Variants in OAF observed in about 807,000 individuals in gnomAD.
The protein encoded by OAF is out at first protein homolog.
In OAF, 13 loss-of-function variants were observed where a neutral mutation model predicts 22.5. The observed-to-expected ratio is 0.58, with a 90% CI of 0.38 to 0.92. The LOEUF (loss-of-function observed/expected upper bound fraction) is 0.92, where lower values mean the gene tolerates loss of function less well. Among genes scored for constraint, OAF ranks in the 40% least tolerant of loss-of-function variants. OAF has a pLI of 0.00. For synonymous variants in OAF, 175 were observed against 170.5 expected (o/e 1.03, Z -0.21); for missense variants, 347 against 381.8 (o/e 0.91, Z 0.76).
chr11:120,226,798 C>T lies in OAF; in HGVS notation c.367-18C>T, dbSNP rs374542166. On this transcript the variant is annotated intron_variant, in intron 2 of 3. Transcript: ENST00000328965. ...GCATTCTGAAGCCAGGTAGGAGTGA[C>T]TTCTCTCCCACACACAGAAAAATCC... is the stretch of plus-strand genomic sequence containing the variant. The T allele has an allele frequency of 6.4e-7, 1 of 1,571,972 alleles. No individual in the cohort carries two copies. The highest frequency in any genetic ancestry group is 8.7e-7 in the Non-Finnish European group (1 of 1,151,044).
At chr11:120,218,650 G>T (rs1414435338) in intron 1 of OAF, among the ~76,000 whole-genome samples, 3 of 152,222 alleles carry the variant, frequency 2.0e-5, no homozygotes, top group Non-Finnish European at 4.4e-5. Context: ...GAGCAAGAGG[G>T]TTGGAAGAAT....
At position 120,211,114 on chromosome 11, in the gene OAF, C is replaced by T. The variant is rs1335279459; in HGVS notation, c.-166C>T. 8.2e-6 allele frequency: 2 copies of T among 242,924 alleles called. No homozygotes were observed. The highest frequency in any genetic ancestry group is 9.4e-5 in the East Asian group (1 of 10,654). The allele number at this position is 242,924 out of a possible 1,614,324, so 15.0% of individuals were successfully genotyped here. On this transcript the variant is annotated 5_prime_UTR_variant, in exon 1 of 4. Transcript: ENST00000328965. ...GCCGGGGGCGCCCTGCTGAGCGCTACCCACGTGCGTCCGCGCCACCTCGCG... is the reference window on the plus strand; with the variant it reads ...GCCGGGGGCGCCCTGCTGAGCGCTATCCACGTGCGTCCGCGCCACCTCGCG...
intron 1 of OAF, among the ~76,000 whole-genome samples, chr11:120,222,575 C>A (rs1201311292): frequency 9.5e-5 from 14 of 147,378 alleles, no homozygotes; most frequent in East Asian, 8.1e-4. Context: ...AAAAAAAAAA[C>A]AACCATGCAC....
At chr11:120,216,799 G>A (rs1938218457) in intron 1 of OAF, among the ~76,000 whole-genome samples, 1 of 152,226 alleles carries the variant, frequency 6.6e-6, no homozygotes, top group Non-Finnish European at 1.5e-5. Flanking sequence ...GCACAGAGAG[G>A]TGGTGGAGAT....
At chr11:120,216,546 T>G (rs1330730841) in intron 1 of OAF, among the ~76,000 whole-genome samples, 1 of 152,172 alleles carries the variant, frequency 6.6e-6, no homozygotes, top group Admixed American at 6.5e-5. Flanking sequence ...CTCCTGGGTC[T>G]AATATCTGTC....
chr11:120,218,861 C>T (rs907538825), intron 1 of OAF, among the ~76,000 whole-genome samples: 1 of 152,252 alleles, frequency 6.6e-6, no homozygotes, highest in South Asian at 2.1e-4. Flanking sequence ...TGAGGAAGAG[C>T]GCCTGGAGAG....
In OAF at chr11:120,229,238, C is replaced by T. The variant is rs1938404866; in HGVS notation, c.*96C>T. The T allele has an allele frequency of 8.9e-7, 1 of 1,118,118 alleles. No individual in the cohort carries two copies. Among genetic ancestry groups the T allele is most frequent in the Non-Finnish European group, 1.3e-6 (1 of 769,904 alleles). 69.3% of individuals were successfully genotyped at this position (1,118,118 alleles called of 1,614,324 possible). On this transcript the variant is annotated 3_prime_UTR_variant, in exon 4 of 4. Transcript: ENST00000328965. ...CCCCCACCTGAGGCCTTATTTCCCT[C>T]CCTCCCCACTCCCCTGGCCCTAGAG...
At chr11:120,214,013 C>G (rs1469322614) in intron 1 of OAF, 2 of 152,228 alleles carry the variant, frequency 1.3e-5, no homozygotes, top group African/African-American at 4.8e-5. Flanking sequence ...TGAGGCTGCA[C>G]TGAGCTGCAA....
intron 1 of OAF, among the ~76,000 whole-genome samples, chr11:120,217,843 G>A (rs775313453): frequency 6.6e-5 from 10 of 152,232 alleles, no homozygotes; most frequent in African/African-American, 1.4e-4. Context: ...CTACCCCACC[G>A]TTAAGCATGT....
Position 120,222,747 on chromosome 11 carries a change from A to G in OAF, c.232-2914A>G, listed in dbSNP as rs748803581. Among the ~76,000 whole-genome samples, 69 of 151,766 alleles carry G rather than the reference A, an allele frequency of 4.5e-4. 1 individual carries two copies. Among genetic ancestry groups the G allele is most frequent in the Non-Finnish European group, 2.2e-4 (15 of 67,950 alleles). On this transcript the variant is annotated intron_variant, in intron 1 of 3. Coordinates refer to ENST00000328965, the MANE Select transcript of OAF (RefSeq NM_178507.4). ...GCCAACATGGAGAAACCCTGTCTCTACTAAAAATACAAAAATTAGCTGGGT... is the reference window on the plus strand; with the variant it reads ...GCCAACATGGAGAAACCCTGTCTCTGCTAAAAATACAAAAATTAGCTGGGT...
At chr11:120,212,681 T>C (rs1938166716) in intron 1 of OAF, among the ~76,000 whole-genome samples, 1 of 149,314 alleles carries the variant, frequency 6.7e-6, no homozygotes, top group African/African-American at 2.5e-5. Context: ...GGAAGTCAGT[T>C]AGGGACCCAG....
Position 120,211,087 on chromosome 11 carries a change from C to A in OAF, c.-193C>A. 1 of 196,790 alleles carries A rather than the reference C, an allele frequency of 5.1e-6. No homozygotes were observed. Among genetic ancestry groups the A allele is most frequent in the Non-Finnish European group, 1.0e-5 (1 of 99,172 alleles). 12.2% of individuals were successfully genotyped at this position (196,790 alleles called of 1,614,324 possible). Reference sequence around the variant, plus strand: ...GGGCAGCGCCGTCTCCGCCTCGGGGCCGCCGGGGGCGCCCTGCTGAGCGCT... The same window carrying A: ...GGGCAGCGCCGTCTCCGCCTCGGGGACGCCGGGGGCGCCCTGCTGAGCGCT... On this transcript the variant is annotated 5_prime_UTR_variant, in exon 1 of 4. Coordinates refer to ENST00000328965, the MANE Select transcript of OAF (RefSeq NM_178507.4).
At chr11:120,228,491 T>C (rs1392635656) in intron 3 of OAF, among the ~76,000 whole-genome samples, 3 of 152,150 alleles carry the variant, frequency 2.0e-5, no homozygotes, top group Non-Finnish European at 4.4e-5. Context: ...GGTGGCAGTG[T>C]GGTCTAGTGG....
At chr11:120,216,496 G>T (rs1384063316) in intron 1 of OAF, among the ~76,000 whole-genome samples, 1 of 152,170 alleles carries the variant, frequency 6.6e-6, no homozygotes, top group Non-Finnish European at 1.5e-5. Flanking sequence ...GTATTTACAA[G>T]AAGTCGCCAG....
intron 3 of OAF, 121 bp downstream of exon 3, chr11:120,227,117 A>C: frequency 1.6e-4 from 100 of 627,316 alleles, no homozygotes; most frequent in Non-Finnish European, 2.2e-4. Context: ...GCCAAGTCTC[A>C]TCATTAGCCT....
At chr11:120,219,802 T>C (rs1008553133) in intron 1 of OAF, among the ~76,000 whole-genome samples, 1 of 152,156 alleles carries the variant, frequency 6.6e-6, no homozygotes, top group African/African-American at 2.4e-5. Context: ...TGCTGGAACC[T>C]CACTGGGCCA....
Position 120,226,877 on chromosome 11 carries a change from A to G in OAF, c.428A>G (p.Asp143Gly). The part of the protein sequence containing the change: ...EVRGLEHLHM[D>G]VAVNFSQGAL... ...CGGGGTCTGGAGCATCTGCACATGGATGTCGCTGTCAACTTCAGCCAGGGG... is the reference window on the plus strand; with the variant it reads ...CGGGGTCTGGAGCATCTGCACATGGGTGTCGCTGTCAACTTCAGCCAGGGG... Residue 143 changes from aspartate (D) to glycine (G), a missense_variant, in exon 3 of 4, where the codon GAT (aspartate) becomes GGT (glycine). Coordinates refer to ENST00000328965, the MANE Select transcript of OAF (RefSeq NM_178507.4). 1.9e-6 allele frequency: 3 copies of G among 1,612,600 alleles called. No homozygotes were observed. The highest frequency in any genetic ancestry group is 2.5e-6 in the Non-Finnish European group (3 of 1,178,962).
At chr11:120,228,821 T>TGCCAAACCAA in intron 3 of OAF, 47 bp from the exon 4 acceptor site, 4 of 520,278 alleles carry the variant, frequency 7.7e-6, no homozygotes, top group East Asian at 3.4e-5. Flanking sequence ...GGGAGCTCCT[T>TGCCAAACCAA]CCCTCCCTCC....
intron 1 of OAF, among the ~76,000 whole-genome samples, chr11:120,213,449 T>C (rs1264482932): frequency 6.6e-6 from 1 of 152,166 alleles, no homozygotes; most frequent in Non-Finnish European, 1.5e-5. Context: ...AAGCTACCAT[T>C]TCATACCCAC....
Sources: allele counts gnomAD v4.1 joint callset (sites outside exome capture counted in the v4.1 genomes callset), GRCh38; gene constraint gnomAD v4.1.1; transcripts MANE v1.5; gene names NCBI Gene and HGNC (gene_info 2026-07-23, HGNC 2026-07-21).